PTPRQ: variants seen among roughly 807,000 people sequenced by gnomAD.
PTPRQ encodes the protein phosphatidylinositol phosphatase PTPRQ.
In PTPRQ, 199 loss-of-function variants were observed where a neutral mutation model predicts 246.0. The ratio of observed to expected loss-of-function variants is 0.81; its 90% confidence interval spans 0.72 to 0.91. PTPRQ has a LOEUF of 0.91. Among genes scored for constraint, PTPRQ ranks in the 40% least tolerant of loss-of-function variants. The pLI, the probability that PTPRQ is intolerant of heterozygous loss-of-function variation, is 0.00. For synonymous variants in PTPRQ, 869 were observed against 853.2 expected, an observed-to-expected ratio of 1.02 and a Z score of -0.32; for missense variants, 2,624 against 2,528.4, an observed-to-expected ratio of 1.04 and a Z score of -0.81.
At chr12:80,501,985 T>C (rs958811713) in intron 14 of PTPRQ, among the ~76,000 whole-genome samples, 2 of 151,658 alleles carry the variant, frequency 1.3e-5, no homozygotes, top group Non-Finnish European at 2.9e-5. Context: ...TTTTGAGGAA[T>C]TTTGATAAGA....
intron 28 of PTPRQ, among the ~76,000 whole-genome samples, chr12:80,613,209 G>A (rs1182175672): frequency 1.3e-5 from 2 of 150,512 alleles, no homozygotes; most frequent in African/African-American, 4.9e-5. Flanking sequence ...TACCAATGGG[G>A]AAAACTGGGA....
At chr12:80,607,318 A>G (rs2121089008) in intron 27 of PTPRQ, among the ~76,000 whole-genome samples, 1 of 151,150 alleles carries the variant, frequency 6.6e-6, no homozygotes, top group East Asian at 1.9e-4. Context: ...AAAATTCGCC[A>G]ACATAAATAT....
At chr12:80,578,384 T>TTA (rs1352304508) in intron 25 of PTPRQ, among the ~76,000 whole-genome samples, 3 of 151,706 alleles carry the variant, frequency 2.0e-5, no homozygotes, top group South Asian at 2.1e-4. Flanking sequence ...AAATTTTTAT[T>TTA]TTTATTTATT....
At chr12:80,656,647 T>C (rs1036999575) in intron 38 of PTPRQ, among the ~76,000 whole-genome samples, 6 of 152,074 alleles carry the variant, frequency 3.9e-5, no homozygotes, top group African/African-American at 1.4e-4. Flanking sequence ...GTATCTAGTT[T>C]TACTAGCTCT....
At chr12:80,561,272 A>G (rs1896817008) in intron 25 of PTPRQ, 1 of 152,160 alleles carries the variant, frequency 6.6e-6, no homozygotes, top group African/African-American at 2.4e-5. Context: ...TGATTTTCCA[A>G]AGCACTAACT....
chr12:80,656,540 C>T (rs1163019), intron 38 of PTPRQ, among the ~76,000 whole-genome samples: 51,864 of 151,916 alleles, frequency 0.34, 14,208 homozygotes, highest in African/African-American at 0.76. Context: ...AGTTAAAAAT[C>T]ATTACTGGAT....
chr12:80,488,135 C>T (rs1482757949), intron 9 of PTPRQ, among the ~76,000 whole-genome samples: 1 of 150,766 alleles, frequency 6.6e-6, no homozygotes, highest in Non-Finnish European at 1.5e-5. Context: ...TTCAACATGG[C>T]CATTTACTTC....
chr12:80,536,989 G>C (rs561950026), intron 19 of PTPRQ, among the ~76,000 whole-genome samples: 1 of 152,206 alleles, frequency 6.6e-6, no homozygotes, highest in Non-Finnish European at 1.5e-5. Flanking sequence ...TCAAACTATG[G>C]TTCCAACGTG....
intron 17 of PTPRQ, among the ~76,000 whole-genome samples, chr12:80,533,774 A>T (rs769312752): frequency 2.0e-5 from 3 of 152,072 alleles, no homozygotes; most frequent in Admixed American, 6.5e-5. Flanking sequence ...AACTCTAATT[A>T]TGAACATCAT....
chr12:80,549,688 T>C lies in PTPRQ; in HGVS notation c.4239T>C (p.Gly1413=). The C allele has an allele frequency of 2.6e-6, 4 of 1,550,948 alleles. No individual in the cohort carries two copies. Among genetic ancestry groups the C allele is most frequent in the Non-Finnish European group, 1.7e-6 (2 of 1,146,474 alleles). ...VFKVRASTSA[G]EGDESTCHVS... is the part of the protein sequence containing the mutation. Reference sequence around the variant, plus strand: ...AAGTAAGAGCTTCAACCTCAGCTGGTGAAGGTGATGAAAGCACATGCCATG... The same window carrying C: ...AAGTAAGAGCTTCAACCTCAGCTGGCGAAGGTGATGAAAGCACATGCCATG... The change falls in exon 25 of 45, where the codon GGT becomes GGC. Residue 1413 remains glycine, a synonymous_variant. Coordinates refer to ENST00000644991, the MANE Select transcript of PTPRQ (RefSeq NM_001145026.2).
At chr12:80,511,284 C>G (rs1895120367) in intron 17 of PTPRQ, among the ~76,000 whole-genome samples, 1 of 152,094 alleles carries the variant, frequency 6.6e-6, no homozygotes, top group Non-Finnish European at 1.5e-5. Flanking sequence ...ACATATTTCT[C>G]TTTAAGACTA....
intron 27 of PTPRQ, among the ~76,000 whole-genome samples, chr12:80,606,622 T>C (rs1182957333): frequency 6.6e-6 from 1 of 151,048 alleles, no homozygotes; most frequent in Non-Finnish European, 1.5e-5. Context: ...TTCTCCTCCT[T>C]TCTCTCTGTC....
chr12:80,522,281 C>G (rs181274609), intron 17 of PTPRQ, among the ~76,000 whole-genome samples: 1 of 152,304 alleles, frequency 6.6e-6, no homozygotes, highest in Admixed American at 6.5e-5. Flanking sequence ...ATGGAGTTTT[C>G]TAGATATACA....
chr12:80,523,312 C>G (rs1052034715), intron 17 of PTPRQ, among the ~76,000 whole-genome samples: 2 of 152,096 alleles, frequency 1.3e-5, no homozygotes, highest in African/African-American at 4.8e-5. Flanking sequence ...TTCAAAAAAC[C>G]AGCTCCTGGA....
At chr12:80,547,735 G>A (rs935908210) in intron 24 of PTPRQ, among the ~76,000 whole-genome samples, 1 of 152,108 alleles carries the variant, frequency 6.6e-6, no homozygotes, top group African/African-American at 2.4e-5. Context: ...ATTAGCAGTA[G>A]CCATCTCATA....
Position 80,493,257 on chromosome 12 carries a change from A to T in PTPRQ, c.1360-18A>T. On this transcript the variant is annotated intron_variant, in intron 9 of 44. Transcript: ENST00000644991. ...TGTAACTGTCACAGTCTTTTAAAAT[A>T]TCTACTTTTAATTACAGTATATAAA... 7.0e-7 allele frequency: 1 copy of T among 1,424,744 alleles called. No individual in the cohort carries two copies. Among genetic ancestry groups the T allele is most frequent in the Non-Finnish European group, 9.2e-7 (1 of 1,085,078 alleles). The allele number at this position is 1,424,744 out of a possible 1,614,324, so 88.3% of individuals were successfully genotyped here.
At chr12:80,642,932 A>AAACAAAAC (rs1555210233) in intron 35 of PTPRQ, among the ~76,000 whole-genome samples, 2 of 131,602 alleles carry the variant, frequency 1.5e-5, no homozygotes, top group East Asian at 4.3e-4. Context: ...AAAAAAAAAA[A>AAACAAAAC]AAAAAAAAAA....
At chr12:80,468,646 A>G in intron 6 of PTPRQ, 64 bp from the exon 7 acceptor site, 1 of 1,412,782 alleles carries the variant, frequency 7.1e-7, no homozygotes, top group Non-Finnish European at 9.3e-7. Flanking sequence ...TATTATGTGT[A>G]TTTAATAGGG....
At chr12:80,676,513 G>A (rs1347118978) in intron 43 of PTPRQ, among the ~76,000 whole-genome samples, 3 of 152,052 alleles carry the variant, frequency 2.0e-5, no homozygotes, top group Admixed American at 6.6e-5. Context: ...GTGGTGGCGC[G>A]TGCCTGTAAT....
Sources: allele counts gnomAD v4.1 joint callset (sites outside exome capture counted in the v4.1 genomes callset), GRCh38; gene constraint gnomAD v4.1.1; transcripts MANE v1.5; gene names NCBI Gene and HGNC (gene_info 2026-07-23, HGNC 2026-07-21).